The following RPL24 variants were observed in gnomAD, a reference collection of about 807,000 sequenced individuals.
RPL24 encodes ribosomal protein L24, also known as large ribosomal subunit protein eL24.
In RPL24, 7 loss-of-function variants were observed where a neutral mutation model predicts 26.4. The ratio of observed to expected loss-of-function variants is 0.27; its 90% CI spans 0.15 to 0.50. The LOEUF is 0.50. RPL24 is among the 20% of genes least tolerant of loss of function. The pLI is 0.98. For synonymous variants in RPL24, 67 were observed against 65.2 expected (o/e 1.03, Z -0.13); for missense variants, 109 against 194.9 (o/e 0.56, Z 2.62).
chr3:101,684,776 CAAAAAAAAAAAAAAAAAAAAA>C lies in RPL24; in HGVS notation c.192+1021_192+1041del, dbSNP rs57278210. 7.3e-4 allele frequency among the ~76,000 whole-genome samples: 39 copies of C among 53,212 alleles called. 2 individuals carry two copies. Among genetic ancestry groups the C allele is most frequent in the East Asian group, 5.7e-3 (8 of 1,406 alleles). The allele number at this position is 53,212 out of a possible 152,430, so 34.9% of individuals were successfully genotyped here. On this transcript the variant is annotated intron_variant, in intron 3 of 5. Coordinates refer to ENST00000394077, the MANE Select transcript of RPL24 (RefSeq NM_000986.4). The stretch of plus-strand genomic sequence containing the variant: ...CTGAGCAACAGAGGACCTGTCTCCC[CAAAAAAAAAAAAAAAAAAAAA>C]AAAAAAAAAAAAAAAAGGTATAGTG...
chr3:101,681,750 AG>A (rs1223313657), intron 5 of RPL24: 2 of 154,912 alleles, frequency 1.3e-5, no homozygotes, highest in East Asian at 3.8e-4. Flanking sequence ...CTGAGTCAGG[AG>A]GATCACTTGA....
At chr3:101,685,245 A>T (rs533896049) in intron 3 of RPL24, among the ~76,000 whole-genome samples, 2 of 152,096 alleles carry the variant, frequency 1.3e-5, no homozygotes, top group South Asian at 4.1e-4. Flanking sequence ...CCTTCCTCTG[A>T]ACTTTCAACA....
At chr3:101,686,432 T>C (rs1235201405) in intron 2 of RPL24, 50 bp downstream of exon 2, 1 of 1,540,920 alleles carries the variant, frequency 6.5e-7, no homozygotes, top group Non-Finnish European at 8.9e-7. Flanking sequence ...TAAACCAGCC[T>C]TTCCTCCTCG....
intron 5 of RPL24, chr3:101,682,164 C>T (rs547773333): frequency 2.6e-4 from 98 of 381,924 alleles, no homozygotes; most frequent in Non-Finnish European, 3.9e-4. Context: ...CCAGCCTGTC[C>T]GACATGGTGA....
rs1305574738 is a variant in RPL24, at chr3:101,685,859, A to C, written c.151T>G (p.Trp51Gly). 2.7e-5 allele frequency: 44 copies of C among 1,613,932 alleles called. No individual in the cohort carries two copies. Among genetic ancestry groups the C allele is most frequent in the Non-Finnish European group, 3.7e-5 (44 of 1,179,774 alleles). ...TGCTTCCTTCTGTAGAGGACAGTCC[A>C]GTTTATCTGCCGAGGATTCCTCTTG... ...LSKRNPRQIN[W>G]TVLYRRKHKK... is the part of the protein sequence containing the mutation. The change falls in exon 3 of 6, where the codon TGG becomes GGG. Residue 51 changes from tryptophan (W) to glycine (G), a missense_variant. Transcript: ENST00000394077.
intron 5 of RPL24, 194 bp downstream of exon 5, chr3:101,682,235 G>A (rs549899638): frequency 1.6e-4 from 94 of 570,656 alleles, no homozygotes; most frequent in African/African-American, 1.5e-3. Context: ...GCGTGATGGC[G>A]CGCACCTGTA....
chr3:101,681,527 T>G lies in RPL24; in HGVS notation c.394-312A>C, dbSNP rs992035975. The G allele has an allele frequency of 2.9e-5, 8 of 274,760 alleles. No individual in the cohort carries two copies. The South Asian group carries it at 4.6e-4, about 16-fold the overall frequency. The allele number at this position is 274,760 out of a possible 1,614,324, so 17.0% of individuals were successfully genotyped here. A position where few individuals can be genotyped will look rare whatever the true frequency, so the allele number is the denominator to read the frequency against. ...TAACAGTACAGTGTTTACTCAGCTT[T>G]TCTCAATGTTATCAATGTAGATAAC... On this transcript the variant is annotated intron_variant, in intron 5 of 5. Coordinates refer to ENST00000394077, the MANE Select transcript of RPL24 (RefSeq NM_000986.4).
At chr3:101,686,340 C>T in intron 2 of RPL24, 142 bp downstream of exon 2, 2 of 666,124 alleles carry the variant, frequency 3.0e-6, no homozygotes, top group Non-Finnish European at 5.1e-6. Flanking sequence ...GGTTTCTGGT[C>T]CTAACGACCA....
intron 4 of RPL24, 132 bp downstream of exon 4, chr3:101,682,637 ATT>A: frequency 8.4e-7 from 1 of 1,188,588 alleles, no homozygotes; most frequent in Admixed American, 2.2e-5. Flanking sequence ...AATCCAAAGA[ATT>A]TGTCAATAAT....
At position 101,682,449 on chromosome 3, in the gene RPL24, TCTTTTTAGATG is replaced by T; in HGVS notation, c.362_372del (p.Ala121AspfsTer7). ...ATTACCTTAGCAGCAGCCATTGCAG[TCTTTTTAGATG>T]CTTGCTTAGCCTTTTTTGCTTCCTT... On this transcript the variant is annotated frameshift_variant, in exon 5 of 6. Transcript: ENST00000394077. LOFTEE classifies it high-confidence loss of function. 6.2e-7 allele frequency: 1 copy of T among 1,613,926 alleles called. No homozygotes were observed. The highest frequency in any genetic ancestry group is 8.5e-7 in the Non-Finnish European group (1 of 1,179,760).
At chr3:101,685,988 A>C (rs528872299) in intron 2 of RPL24, 60 bp from the exon 3 acceptor site, 2 of 1,122,916 alleles carry the variant, frequency 1.8e-6, no homozygotes, top group East Asian at 4.7e-5. Flanking sequence ...GAGGCTGAGT[A>C]AGCTTGGAAT....
intron 3 of RPL24, among the ~76,000 whole-genome samples, chr3:101,684,886 T>C (rs1230257869): frequency 6.6e-6 from 1 of 151,038 alleles, no homozygotes; most frequent in Non-Finnish European, 1.5e-5. Context: ...ACTTTTTTTT[T>C]TTTTAAAGGT....
chr3:101,682,949 C>T, intron 3 of RPL24, 42 bp from the exon 4 acceptor site: 2 of 1,574,634 alleles, frequency 1.3e-6, no homozygotes, highest in Non-Finnish European at 1.7e-6. Flanking sequence ...AACCTTCCTT[C>T]AAGAATTTAG....
rs942996002 is a variant in RPL24 at position 101,686,409 on chromosome 3, G to T, written c.81+73C>A. 7 of 1,365,250 alleles carry T rather than the reference G, an allele frequency of 5.1e-6. No homozygotes were observed. The East Asian group carries it at 1.5e-4, about 29-fold the overall frequency. 84.6% of individuals were successfully genotyped at this position (1,365,250 alleles called of 1,614,324 possible). A position where few individuals can be genotyped will look rare whatever the true frequency, so the allele number is the denominator to read the frequency against. On this transcript the variant is annotated intron_variant, in intron 2 of 5. Coordinates refer to ENST00000394077, the MANE Select transcript of RPL24 (RefSeq NM_000986.4). ...CAGTGGTGATGTGGGGAATAAACCC[G>T]CCTAAACCGAATTAAACCAGCCTTT... is the stretch of plus-strand genomic sequence containing the variant.
intron 3 of RPL24, among the ~76,000 whole-genome samples, chr3:101,684,922 C>T (rs1171043893): frequency 2.7e-5 from 4 of 150,892 alleles, no homozygotes; most frequent in Admixed American, 2.6e-4. Context: ...AAACAATCCT[C>T]CCACCTTGGC....
At chr3:101,685,154 TCACCAA>T (rs1314047769) in intron 3 of RPL24, among the ~76,000 whole-genome samples, 1 of 152,072 alleles carries the variant, frequency 6.6e-6, no homozygotes, top group Non-Finnish European at 1.5e-5. Context: ...CTCCCCATCC[TCACCAA>T]CACCTGTAAT....
chr3:101,683,379 A>G (rs1311699645), intron 3 of RPL24, among the ~76,000 whole-genome samples: 2 of 152,236 alleles, frequency 1.3e-5, no homozygotes, highest in Non-Finnish European at 2.9e-5. Context: ...AATCTATACT[A>G]CAGTGTTTAT....
rs57278210 is a variant in RPL24 at position 101,684,776 on chromosome 3, C to CAAAA, written c.192+1038_192+1041dup. Among the ~76,000 whole-genome samples the CAAAA allele has an allele frequency of 5.1e-3, 270 of 53,202 alleles. 44 individuals carry two copies. Among genetic ancestry groups the CAAAA allele is most frequent in the Non-Finnish European group, 5.7e-3 (178 of 31,346 alleles). 34.9% of individuals were successfully genotyped at this position (53,202 alleles called of 152,430 possible). A position where few individuals can be genotyped will look rare whatever the true frequency, so the allele number is the denominator to read the frequency against. ...CTGAGCAACAGAGGACCTGTCTCCCCAAAAAAAAAAAAAAAAAAAAAAAAA... is the reference window on the plus strand; with the variant it reads ...CTGAGCAACAGAGGACCTGTCTCCCCAAAAAAAAAAAAAAAAAAAAAAAAAAAAA... On this transcript the variant is annotated intron_variant, in intron 3 of 5. Transcript: ENST00000394077.
chr3:101,682,600 T>A (rs768876022), intron 4 of RPL24, 108 bp from the exon 5 acceptor site: 11 of 1,121,874 alleles, frequency 9.8e-6, no homozygotes, highest in Non-Finnish European at 1.3e-5. Flanking sequence ...ATTCCTTCCT[T>A]CCCTACCTCC....
Sources: allele counts gnomAD v4.1 joint callset (sites outside exome capture counted in the v4.1 genomes callset), GRCh38; gene constraint gnomAD v4.1.1; transcripts MANE v1.5; gene names NCBI Gene and HGNC (gene_info 2026-07-23, HGNC 2026-07-21).